Variants in ZNF521 observed in about 807,000 individuals in gnomAD.
ZNF521 encodes the protein LYST-interacting protein 3.
Under a neutral mutation model 105.5 loss-of-function variants are expected in ZNF521, and 14 were observed. The observed-to-expected ratio is 0.13, with a 90% confidence interval of 0.09 to 0.21. ZNF521 has a LOEUF of 0.21. Ranked by LOEUF, ZNF521 falls within the 10% of genes least tolerant of loss-of-function variation. The probability of loss-of-function intolerance (pLI) is 1.00; values close to 1 mark genes in which losing one functional copy is unlikely to be tolerated. For synonymous variants in ZNF521, 635 were observed against 606.0 expected (o/e 1.05, Z -0.70); for missense variants, 1,233 against 1,629.7 (o/e 0.76, Z 4.19).
chr18:25,071,643 G>A (rs1364280135), intron 7 of ZNF521, among the ~76,000 whole-genome samples: 1 of 152,122 alleles, frequency 6.6e-6, no homozygotes, highest in Non-Finnish European at 1.5e-5. Flanking sequence ...GTTGGGGGTG[G>A]TACATAGCAG....
chr18:25,286,775 G>A (rs1910729261), intron 3 of ZNF521, among the ~76,000 whole-genome samples: 1 of 152,160 alleles, frequency 6.6e-6, no homozygotes. Flanking sequence ...ACGAAAAGGG[G>A]AGGAGGGGAA....
At chr18:25,130,618 C>G (rs1229954865) in intron 5 of ZNF521, among the ~76,000 whole-genome samples, 5 of 152,094 alleles carry the variant, frequency 3.3e-5, no homozygotes, top group Non-Finnish European at 7.4e-5. Flanking sequence ...TTTTGTAAAA[C>G]TAAAACTGCT....
At chr18:25,127,395 C>T (rs1261790626) in intron 5 of ZNF521, among the ~76,000 whole-genome samples, 1 of 151,874 alleles carries the variant, frequency 6.6e-6, no homozygotes, top group African/African-American at 2.4e-5. Context: ...ACTATATGCC[C>T]AGCATAGATC....
chr18:25,339,831 C>T (rs1432916111), intron 2 of ZNF521, among the ~76,000 whole-genome samples: 1 of 152,026 alleles, frequency 6.6e-6, no homozygotes, highest in Non-Finnish European at 1.5e-5. Context: ...TTAGGTGGGT[C>T]GGAAAAAGCC....
At chr18:25,249,888 A>G (rs1907991767) in intron 3 of ZNF521, among the ~76,000 whole-genome samples, 1 of 152,222 alleles carries the variant, frequency 6.6e-6, no homozygotes, top group Admixed American at 6.5e-5. Flanking sequence ...TGAAATAACC[A>G]ATATTTTAAC....
intron 5 of ZNF521, among the ~76,000 whole-genome samples, chr18:25,188,377 C>T (rs988856874): frequency 6.6e-6 from 1 of 152,134 alleles, no homozygotes; most frequent in African/African-American, 2.4e-5. Flanking sequence ...CTATTAATGG[C>T]CCTGAAACTA....
At position 25,192,703 on chromosome 18, in the gene ZNF521, C is replaced by CACA. The variant is rs562172652; in HGVS notation, c.3658+2456_3658+2457insTGT. 6.8e-5 allele frequency among the ~76,000 whole-genome samples: 10 copies of CACA among 147,924 alleles called. No individual in the cohort carries two copies. The South Asian group carries it at 1.7e-3, about 25-fold the overall frequency. ...TTTTTGATTAGACAAAAAAAAAAAA[C>CACA]CACACACAGATACACAACCTAAAAA... On this transcript the variant is annotated intron_variant, in intron 5 of 7. Coordinates refer to ENST00000361524, the MANE Select transcript of ZNF521 (RefSeq NM_015461.3).
chr18:25,330,668 A>G (rs4611550), intron 2 of ZNF521, among the ~76,000 whole-genome samples: 68,982 of 152,074 alleles, frequency 0.45, 16,023 homozygotes, highest in Middle Eastern at 0.51. Flanking sequence ...TTCTTTAAAT[A>G]TATCATTAAC....
At chr18:25,229,580 T>A (rs1443530973) in intron 3 of ZNF521, among the ~76,000 whole-genome samples, 2 of 152,080 alleles carry the variant, frequency 1.3e-5, no homozygotes, top group Non-Finnish European at 2.9e-5. Flanking sequence ...TCAATAATGA[T>A]CTAGTTTTCC....
In ZNF521 at chr18:25,239,421, T is replaced by G. The variant is rs555480972; in HGVS notation, c.221-11724A>C. Among the ~76,000 whole-genome samples, 300 of 152,348 alleles carry G rather than the reference T, an allele frequency of 2.0e-3. 1 individual carries two copies. The highest frequency in any genetic ancestry group is 6.4e-3 in the African/African-American group (268 of 41,594). On this transcript the variant is annotated intron_variant, in intron 3 of 7. Transcript: ENST00000361524. ...AAAAAGTCTGTCTGCTAAACTTTTGTTGATGATTACTTTCAAGCTGCGTTA... is the reference window on the plus strand; with the variant it reads ...AAAAAGTCTGTCTGCTAAACTTTTGGTGATGATTACTTTCAAGCTGCGTTA...
chr18:25,103,842 G>T (rs1168611314), intron 5 of ZNF521, among the ~76,000 whole-genome samples: 1 of 151,838 alleles, frequency 6.6e-6, no homozygotes, highest in Non-Finnish European at 1.5e-5. Flanking sequence ...GAGGGAGGAA[G>T]GGAGGAAGGA....
intron 3 of ZNF521, among the ~76,000 whole-genome samples, chr18:25,256,487 A>G (rs1406068349): frequency 6.6e-6 from 1 of 152,174 alleles, no homozygotes; most frequent in Non-Finnish European, 1.5e-5. Context: ...GCCTTAAAAG[A>G]AGACAGTGAC....
At chr18:25,333,416 T>C (rs1408342736) in intron 2 of ZNF521, among the ~76,000 whole-genome samples, 5 of 151,826 alleles carry the variant, frequency 3.3e-5, no homozygotes, top group African/African-American at 1.2e-4. Context: ...TCATCTTACT[T>C]TTAAAAGAGA....
intron 3 of ZNF521, among the ~76,000 whole-genome samples, chr18:25,298,353 G>A (rs985575726): frequency 3.3e-5 from 5 of 152,180 alleles, no homozygotes; most frequent in Non-Finnish European, 4.4e-5. Flanking sequence ...TATACTACCT[G>A]TATTTCGGCA....
chr18:25,338,259 T>TTTTG (rs1555666852), intron 2 of ZNF521, among the ~76,000 whole-genome samples: 48 of 136,596 alleles, frequency 3.5e-4, no homozygotes, highest in East Asian at 2.9e-3. Flanking sequence ...TCATAGACTT[T>TTTTG]TGTGTGTGTG....
intron 5 of ZNF521, among the ~76,000 whole-genome samples, chr18:25,187,317 A>T (rs1414003405): frequency 6.6e-6 from 1 of 152,188 alleles, no homozygotes; most frequent in Non-Finnish European, 1.5e-5. Context: ...AAGGTGTCTG[A>T]ATTAATGCAA....
chr18:25,232,022 T>C (rs1360321868), intron 3 of ZNF521, among the ~76,000 whole-genome samples: 1 of 152,220 alleles, frequency 6.6e-6, no homozygotes, highest in Non-Finnish European at 1.5e-5. Context: ...CCCTCTTAAC[T>C]GCCCATCGGG....
chr18:25,295,059 A>G (rs566320628), intron 3 of ZNF521, among the ~76,000 whole-genome samples: 2 of 152,234 alleles, frequency 1.3e-5, no homozygotes, highest in East Asian at 3.9e-4. Flanking sequence ...ATAGAAATAG[A>G]ACACTGTCAG....
chr18:25,318,395 G>A (rs995356868), intron 3 of ZNF521, among the ~76,000 whole-genome samples: 1 of 152,038 alleles, frequency 6.6e-6, no homozygotes, highest in Non-Finnish European at 1.5e-5. Context: ...GTGTCACATA[G>A]GTGTATTTAT....
Sources: gnomAD v4.1 joint callset for allele counts (sites outside exome capture counted in the v4.1 genomes callset) on GRCh38, gnomAD v4.1.1 for gene constraint, MANE v1.5 for transcripts, NCBI Gene and HGNC (gene_info 2026-07-23, HGNC 2026-07-21) for gene names.